SORCS1: variants seen among roughly 807,000 people sequenced by gnomAD.
The protein encoded by SORCS1 is VPS10 domain-containing receptor SorCS1.
SORCS1 carries 60 observed loss-of-function variants against 146.1 expected under a neutral mutation model. The observed-to-expected ratio is 0.41, with a 90% CI of 0.33 to 0.51. The LOEUF (loss-of-function observed/expected upper bound fraction) is 0.51. Among genes scored for constraint, SORCS1 ranks in the 20% least tolerant of loss-of-function variants. The pLI, the probability that SORCS1 is intolerant of heterozygous loss-of-function variation, is 0.21. For synonymous variants in SORCS1, 637 were observed against 584.0 expected (o/e 1.09, Z -1.31); for missense variants, 1,352 against 1,487.6 (o/e 0.91, Z 1.50).
chr10:107,147,878 C>T (rs533181008), intron 1 of SORCS1, among the ~76,000 whole-genome samples: 2 of 152,062 alleles, frequency 1.3e-5, no homozygotes, highest in South Asian at 2.1e-4. Context: ...CAGAGAGTGA[C>T]CCGGCACATA....
intron 2 of SORCS1, among the ~76,000 whole-genome samples, chr10:106,918,296 G>T (rs1952541956): frequency 6.6e-6 from 1 of 152,128 alleles, no homozygotes; most frequent in Non-Finnish European, 1.5e-5. Flanking sequence ...GAGTGGCTGG[G>T]AATACAGGTG....
intron 9 of SORCS1, among the ~76,000 whole-genome samples, chr10:106,692,614 T>C (rs1242922144): frequency 1.3e-5 from 2 of 152,202 alleles, no homozygotes; most frequent in Non-Finnish European, 2.9e-5. Flanking sequence ...GTATGATATG[T>C]GACTTACATC....
At chr10:106,689,110 G>T (rs547442883) in intron 9 of SORCS1, among the ~76,000 whole-genome samples, 1 of 152,140 alleles carries the variant, frequency 6.6e-6, no homozygotes, top group Non-Finnish European at 1.5e-5. Context: ...TTATAACATG[G>T]TTGTTCTCAG....
chr10:107,139,870 A>C (rs1363528405), intron 1 of SORCS1, among the ~76,000 whole-genome samples: 1 of 152,164 alleles, frequency 6.6e-6, no homozygotes, highest in Non-Finnish European at 1.5e-5. Flanking sequence ...GTATGTCCTC[A>C]CCACACTCCT....
rs546450237 is a variant in SORCS1 at position 106,756,981 on chromosome 10, C to T, written c.959+4607G>A. 2.0e-5 allele frequency among the ~76,000 whole-genome samples: 3 copies of T among 152,218 alleles called. No homozygotes were observed. The East Asian group carries it at 5.8e-4, about 29-fold the overall frequency. On this transcript the variant is annotated intron_variant, in intron 5 of 25. Coordinates refer to ENST00000263054, the MANE Select transcript of SORCS1 (RefSeq NM_052918.5). ...GGGAGATGGATTTGAGACTGAGCCC[C>T]CGTCTCCTTGGCTGCAGCACCTGAT...
At chr10:106,839,498 A>T (rs539733291) in intron 2 of SORCS1, among the ~76,000 whole-genome samples, 2 of 152,350 alleles carry the variant, frequency 1.3e-5, no homozygotes, top group South Asian at 4.1e-4. Context: ...TTGGTTCATG[A>T]GGAAAAAAGC....
intron 1 of SORCS1, among the ~76,000 whole-genome samples, chr10:107,003,375 T>C (rs1192553050): frequency 6.6e-6 from 1 of 152,160 alleles, no homozygotes; most frequent in African/African-American, 2.4e-5. Context: ...TATATTTATG[T>C]ATAGCCAAAG....
At chr10:107,180,292 C>A in the SORCS1 span, among the ~76,000 whole-genome samples, 1 of 152,070 alleles carries the variant, frequency 6.6e-6, no homozygotes, top group Non-Finnish European at 1.5e-5. Flanking sequence ...CCTGGAGTCC[C>A]AAGATTTTCT....
chr10:106,737,927 C>A (rs781494976), intron 5 of SORCS1, among the ~76,000 whole-genome samples: 13 of 151,984 alleles, frequency 8.6e-5, no homozygotes, highest in Non-Finnish European at 1.9e-4. Flanking sequence ...GGTATCATAC[C>A]CTGCATATTT....
intron 1 of SORCS1, among the ~76,000 whole-genome samples, chr10:106,999,239 T>C (rs1467267024): frequency 6.6e-6 from 1 of 151,974 alleles, no homozygotes; most frequent in African/African-American, 2.4e-5. Context: ...CACACACCAC[T>C]GCCACCACCA....
chr10:107,058,393 C>T (rs952083978), intron 1 of SORCS1, among the ~76,000 whole-genome samples: 2 of 152,168 alleles, frequency 1.3e-5, no homozygotes, highest in Non-Finnish European at 2.9e-5. Flanking sequence ...CTGGTTAATA[C>T]ACATTCTGGC....
At chr10:107,047,154 A>G (rs1218835652) in intron 1 of SORCS1, among the ~76,000 whole-genome samples, 1 of 151,840 alleles carries the variant, frequency 6.6e-6, no homozygotes, top group Admixed American at 6.6e-5. Flanking sequence ...ACACCTGGCT[A>G]CTTTTCGTAT....
At chr10:106,844,817 T>C (rs1246711919) in intron 2 of SORCS1, among the ~76,000 whole-genome samples, 1 of 143,484 alleles carries the variant, frequency 7.0e-6, no homozygotes, top group African/African-American at 2.6e-5. Context: ...CACCTATGAG[T>C]GAGAATATGC....
chr10:106,685,211 C>T (rs821940), intron 10 of SORCS1, among the ~76,000 whole-genome samples: 126,451 of 152,106 alleles, frequency 0.83, 53,892 homozygotes, highest in Non-Finnish European at 0.94. Context: ...AAAATCCAAA[C>T]GCGAAACTGT....
intron 18 of SORCS1, among the ~76,000 whole-genome samples, chr10:106,649,553 A>G (rs1849706639): frequency 6.6e-6 from 1 of 152,224 alleles, no homozygotes; most frequent in African/African-American, 2.4e-5. Flanking sequence ...TTTAGATTTC[A>G]GCAGTTTGAA....
intron 1 of SORCS1, among the ~76,000 whole-genome samples, chr10:107,146,576 T>C (rs1446071966): frequency 6.6e-6 from 1 of 152,116 alleles, no homozygotes; most frequent in Non-Finnish European, 1.5e-5. Context: ...ATGTCAGGTA[T>C]ACACCAGGTA....
At chr10:106,700,485 A>G (rs1183104531) in intron 8 of SORCS1, among the ~76,000 whole-genome samples, 1 of 151,992 alleles carries the variant, frequency 6.6e-6, no homozygotes, top group East Asian at 1.9e-4. Flanking sequence ...CCACAAAGGT[A>G]GAAGAACAAC....
chr10:106,649,569 T>C (rs1267593842), intron 18 of SORCS1, among the ~76,000 whole-genome samples: 1 of 152,260 alleles, frequency 6.6e-6, no homozygotes, highest in African/African-American at 2.4e-5. Flanking sequence ...TTGAATGTAA[T>C]AGCTCAGTGA....
At chr10:106,717,357 T>G (rs1855450651) in intron 6 of SORCS1, among the ~76,000 whole-genome samples, 1 of 152,258 alleles carries the variant, frequency 6.6e-6, no homozygotes. Flanking sequence ...TAGTGCCCTC[T>G]GTCACATGTA....
Sources: allele counts gnomAD v4.1 joint callset (sites outside exome capture counted in the v4.1 genomes callset), GRCh38; gene constraint gnomAD v4.1.1; transcripts MANE v1.5; gene names NCBI Gene and HGNC (gene_info 2026-07-23, HGNC 2026-07-21).